Variants in MBD5 observed in about 807,000 individuals in gnomAD.
MBD5 encodes methyl-CpG-binding domain protein 5.
MBD5 carries 13 observed loss-of-function variants against 117.3 expected under a neutral mutation model. The observed-to-expected ratio is 0.11, with a 90% CI of 0.07 to 0.18. MBD5 has a LOEUF of 0.18. Among genes scored for constraint, MBD5 ranks in the 10% least tolerant of loss-of-function variants. The probability of loss-of-function intolerance (pLI) is 1.00; values close to 1 mark genes in which losing one functional copy is unlikely to be tolerated. For missense variants in MBD5, 1,879 were observed against 2,093.8 expected (o/e 0.90, Z 2.00); for synonymous variants, 727 against 766.4 (o/e 0.95, Z 0.85).
chr2:148,416,043 T>G (rs1034445820), intron 4 of MBD5, among the ~76,000 whole-genome samples: 7 of 152,104 alleles, frequency 4.6e-5, no homozygotes, highest in African/African-American at 1.2e-4. Context: ...TGCTCTGGGT[T>G]TTTTTGAGTT....
intron 1 of MBD5, among the ~76,000 whole-genome samples, chr2:148,041,725 TG>T (rs1694364345): frequency 6.6e-6 from 1 of 152,192 alleles, no homozygotes; most frequent in Non-Finnish European, 1.5e-5. Context: ...GATTGATTAC[TG>T]GGGCAAAAGA....
At chr2:148,402,717 A>G (rs1704961072) in intron 4 of MBD5, among the ~76,000 whole-genome samples, 1 of 152,060 alleles carries the variant, frequency 6.6e-6, no homozygotes, top group African/African-American at 2.4e-5. Context: ...TTTTTTTCTG[A>G]GTTATGTTCC....
intron 4 of MBD5, among the ~76,000 whole-genome samples, chr2:148,443,109 G>A (rs753104207): frequency 5.9e-5 from 9 of 151,362 alleles, no homozygotes; most frequent in Non-Finnish European, 8.8e-5. Flanking sequence ...TTTCTCAGAA[G>A]AAGTCATATA....
intron 3 of MBD5, among the ~76,000 whole-genome samples, chr2:148,274,986 C>T (rs1008361571): frequency 6.6e-6 from 1 of 152,104 alleles, no homozygotes; most frequent in Admixed American, 6.5e-5. Context: ...CCACCTTGGC[C>T]TCCCAGAGTG....
chr2:148,435,151 G>T (rs1706117352), intron 4 of MBD5, among the ~76,000 whole-genome samples: 1 of 151,924 alleles, frequency 6.6e-6, no homozygotes, highest in South Asian at 2.1e-4. Flanking sequence ...GAGCCCATGG[G>T]TATCACTGCA....
chr2:148,196,956 A>T (rs1262895949), intron 2 of MBD5, among the ~76,000 whole-genome samples: 1 of 152,068 alleles, frequency 6.6e-6, no homozygotes, highest in Non-Finnish European at 1.5e-5. Context: ...AATATATCTC[A>T]CTTGAACAAA....
At chr2:148,239,006 T>C (rs1700151660) in intron 3 of MBD5, among the ~76,000 whole-genome samples, 1 of 122,696 alleles carries the variant, frequency 8.2e-6, no homozygotes, top group Non-Finnish European at 1.8e-5. Flanking sequence ...CATATATATA[T>C]ATATATATTA....
intron 12 of MBD5, among the ~76,000 whole-genome samples, chr2:148,509,439 G>C (rs1433424151): frequency 6.6e-6 from 1 of 152,236 alleles, no homozygotes; most frequent in Non-Finnish European, 1.5e-5. Context: ...TAGGCACCCT[G>C]AGGCCGTCAT....
At chr2:148,051,325 C>T (rs950288016) in intron 1 of MBD5, among the ~76,000 whole-genome samples, 15 of 107,864 alleles carry the variant, frequency 1.4e-4, no homozygotes, top group Admixed American at 5.8e-4. Flanking sequence ...TGGATTCTTC[C>T]GGGTTTTTTA....
At chr2:148,230,512 C>G (rs767374068) in intron 2 of MBD5, among the ~76,000 whole-genome samples, 4 of 152,118 alleles carry the variant, frequency 2.6e-5, no homozygotes, top group Non-Finnish European at 5.9e-5. Context: ...GAACCTGGGA[C>G]CCCAATAACC....
chr2:148,359,929 G>T (rs978925697), intron 4 of MBD5, among the ~76,000 whole-genome samples: 4 of 151,944 alleles, frequency 2.6e-5, no homozygotes, highest in Admixed American at 1.3e-4. Flanking sequence ...GATTATTAGG[G>T]ACTCTCATTT....
chr2:148,485,941 G>C lies in MBD5; in HGVS notation c.3744G>C (p.Gln1248His), dbSNP rs1681326814. The C allele has an allele frequency of 6.2e-7, 1 of 1,613,752 alleles. No homozygotes were observed. The highest frequency in any genetic ancestry group is 2.2e-5 in the East Asian group (1 of 44,874). ...ANNNPMACLF[Q>H]NFQVRMQEDA... is the part of the protein sequence containing the mutation. ...ATAACCCCATGGCTTGTCTGTTTCAGAACTTTCAGGTACTCTCCTCTGCTG... is the reference window on the plus strand; with the variant it reads ...ATAACCCCATGGCTTGTCTGTTTCACAACTTTCAGGTACTCTCCTCTGCTG... The change falls in exon 10 of 14, where the codon CAG becomes CAC. Residue 1248 changes from glutamine to histidine, a missense_variant. By Grantham distance (24) the Gln-to-His change is conservative. Around this residue, in one of 4 missense-constraint regions of MBD5, gnomAD observed 1,666 missense variants for 1,792.2 expected, o/e 0.93. Transcript: ENST00000642680.
chr2:148,486,223 T>G (rs1305687452), intron 10 of MBD5, among the ~76,000 whole-genome samples: 1 of 152,198 alleles, frequency 6.6e-6, no homozygotes, highest in Non-Finnish European at 1.5e-5. Context: ...TTTATCATTG[T>G]TCTCATGACT....
At chr2:148,255,320 G>A (rs1251580568) in intron 3 of MBD5, among the ~76,000 whole-genome samples, 1 of 152,184 alleles carries the variant, frequency 6.6e-6, no homozygotes, top group Non-Finnish European at 1.5e-5. Context: ...AAAGTCAGAG[G>A]GGAGCTCATA....
intron 4 of MBD5, among the ~76,000 whole-genome samples, chr2:148,448,436 G>A (rs1374405018): frequency 6.6e-6 from 1 of 151,856 alleles, no homozygotes; most frequent in South Asian, 2.1e-4. Flanking sequence ...TGGGTAAGGA[G>A]TTGTCTTATT....
At chr2:148,347,624 T>C (rs906886277) in intron 4 of MBD5, 26 of 151,950 alleles carry the variant, frequency 1.7e-4, no homozygotes, top group African/African-American at 6.3e-4. Flanking sequence ...TGCCGACTTA[T>C]CCAAAAGGCA....
chr2:148,417,828 G>A (rs1339764938), intron 4 of MBD5, among the ~76,000 whole-genome samples: 1 of 151,414 alleles, frequency 6.6e-6, no homozygotes, highest in African/African-American at 2.4e-5. Flanking sequence ...GTGCGGGGGG[G>A]TGTTTTTTGT....
At chr2:148,216,273 C>T (rs561736644) in intron 2 of MBD5, among the ~76,000 whole-genome samples, 1 of 151,996 alleles carries the variant, frequency 6.6e-6, no homozygotes. Context: ...CTCAACTGGT[C>T]AGCCAGAGCC....
chr2:148,322,058 G>A (rs748935679), intron 3 of MBD5, among the ~76,000 whole-genome samples: 14 of 152,070 alleles, frequency 9.2e-5, no homozygotes, highest in Non-Finnish European at 1.9e-4. Flanking sequence ...TGTACTCTAC[G>A]CTAGACTCCA....
Sources: allele counts gnomAD v4.1 joint callset (sites outside exome capture counted in the v4.1 genomes callset), GRCh38; gene constraint gnomAD v4.1.1; regional missense constraint gnomAD v4.1.1; transcripts MANE v1.5; gene names NCBI Gene and HGNC (gene_info 2026-07-23, HGNC 2026-07-21).